GUCY1A2: variants seen among roughly 807,000 people sequenced by gnomAD.
GUCY1A2 encodes guanylate cyclase soluble subunit alpha-2.
In GUCY1A2, 27 loss-of-function variants were observed where a neutral mutation model predicts 63.5. The observed-to-expected ratio is 0.43, with a 90% CI of 0.31 to 0.59. The LOEUF is 0.59. Ranked by LOEUF, GUCY1A2 falls within the 20% of genes least tolerant of loss-of-function variation. The pLI is 0.11. For synonymous variants in GUCY1A2, 364 were observed against 343.5 expected (o/e 1.06, Z -0.66); for missense variants, 768 against 913.3 (o/e 0.84, Z 2.05).
At chr11:107,004,465 C>A (rs967439261) in intron 1 of GUCY1A2, among the ~76,000 whole-genome samples, 1 of 152,058 alleles carries the variant, frequency 6.6e-6, no homozygotes, top group East Asian at 1.9e-4. Flanking sequence ...TTTAAATATT[C>A]TCTTTCTTTT....
chr11:106,820,773 G>A (rs1199505905), intron 4 of GUCY1A2, among the ~76,000 whole-genome samples: 1 of 152,164 alleles, frequency 6.6e-6, no homozygotes, highest in Non-Finnish European at 1.5e-5. Context: ...CCATAGAAAA[G>A]TGTATGTGTG....
At position 106,678,320 on chromosome 11, in the gene GUCY1A2, C is replaced by G. The variant is rs1420667562; in HGVS notation, c.*9229G>C. 4 of 205,850 alleles carry G rather than the reference C, an allele frequency of 1.9e-5. No individual in the cohort carries two copies. Among genetic ancestry groups the G allele is most frequent in the Non-Finnish European group, 4.0e-5 (4 of 100,864 alleles). 12.8% of individuals were successfully genotyped at this position (205,850 alleles called of 1,614,324 possible). ...TTGGTTTCAGTGTGGTAATTTTTACCAAAAAAATTCAGAAGGAGGGTTTCA... is the reference window on the plus strand; with the variant it reads ...TTGGTTTCAGTGTGGTAATTTTTACGAAAAAAATTCAGAAGGAGGGTTTCA... On this transcript the variant is annotated 3_prime_UTR_variant, in exon 8 of 8. Transcript: ENST00000526355.
chr11:106,844,351 T>C (rs1694361283), intron 4 of GUCY1A2, among the ~76,000 whole-genome samples: 1 of 151,826 alleles, frequency 6.6e-6, no homozygotes, highest in African/African-American at 2.4e-5. Flanking sequence ...GTATATGTAT[T>C]TATGAGTTCG....
chr11:106,937,934 T>C (rs1860700874), intron 4 of GUCY1A2, among the ~76,000 whole-genome samples: 1 of 152,154 alleles, frequency 6.6e-6, no homozygotes, highest in Admixed American at 6.5e-5. Context: ...CTTTCTATCA[T>C]TCTCAAATAA....
chr11:106,817,649 C>T (rs1253247840), intron 4 of GUCY1A2, among the ~76,000 whole-genome samples: 3 of 151,916 alleles, frequency 2.0e-5, no homozygotes, highest in Non-Finnish European at 4.4e-5. Flanking sequence ...ACTCAACTGA[C>T]TAAGAAGAAA....
intron 3 of GUCY1A2, among the ~76,000 whole-genome samples, chr11:106,959,256 T>C (rs982643055): frequency 6.6e-6 from 1 of 152,210 alleles, no homozygotes; most frequent in Non-Finnish European, 1.5e-5. Flanking sequence ...GGGGAAAATA[T>C]ATACATGAAT....
At chr11:106,870,627 G>A (rs1859663922) in intron 4 of GUCY1A2, among the ~76,000 whole-genome samples, 1 of 152,002 alleles carries the variant, frequency 6.6e-6, no homozygotes, top group Non-Finnish European at 1.5e-5. Context: ...TATAATGGCT[G>A]CGTATGACCT....
chr11:106,976,351 C>T (rs1049187340), intron 3 of GUCY1A2, among the ~76,000 whole-genome samples: 1 of 152,150 alleles, frequency 6.6e-6, no homozygotes, highest in Non-Finnish European at 1.5e-5. Flanking sequence ...CAATTTATGT[C>T]ATGCTTTTCT....
At chr11:107,004,615 A>G (rs1861649333) in intron 1 of GUCY1A2, among the ~76,000 whole-genome samples, 1 of 152,226 alleles carries the variant, frequency 6.6e-6, no homozygotes, top group South Asian at 2.1e-4. Context: ...TGTGTAACTT[A>G]AATTATAAGA....
chr11:106,969,746 A>G (rs886581593), intron 3 of GUCY1A2, among the ~76,000 whole-genome samples: 1 of 152,192 alleles, frequency 6.6e-6, no homozygotes, highest in African/African-American at 2.4e-5. Flanking sequence ...AAAAGCAATA[A>G]TAACAATTAC....
At chr11:106,827,153 T>A (rs1591292685) in intron 4 of GUCY1A2, 1 of 1,492,926 alleles carries the variant, frequency 6.7e-7, no homozygotes, top group Non-Finnish European at 9.3e-7. Context: ...AACTCTTTTG[T>A]TCCTTTAAGA....
chr11:106,838,332 T>C (rs972132574), intron 4 of GUCY1A2, among the ~76,000 whole-genome samples: 5 of 151,930 alleles, frequency 3.3e-5, no homozygotes, highest in Non-Finnish European at 5.9e-5. Context: ...TAACACACAG[T>C]AGTGTTTCAG....
intron 4 of GUCY1A2, chr11:106,827,967 G>A: frequency 2.2e-6 from 2 of 896,922 alleles, no homozygotes; most frequent in Non-Finnish European, 3.6e-6. Context: ...GGAAGCAGCC[G>A]CGAGGCGGTC....
At chr11:106,847,021 G>A (rs1285218895) in intron 4 of GUCY1A2, among the ~76,000 whole-genome samples, 1 of 151,030 alleles carries the variant, frequency 6.6e-6, no homozygotes, top group Non-Finnish European at 1.5e-5. Flanking sequence ...GTTCTGAAGG[G>A]GAAAATGTAA....
intron 4 of GUCY1A2, among the ~76,000 whole-genome samples, chr11:106,883,019 T>C (rs528421586): frequency 1.3e-5 from 2 of 152,206 alleles, no homozygotes; most frequent in East Asian, 3.9e-4. Context: ...CTCTATGTCA[T>C]CTTCTACATA....
chr11:107,006,954 T>A (rs1399127900), intron 1 of GUCY1A2, among the ~76,000 whole-genome samples: 1 of 152,178 alleles, frequency 6.6e-6, no homozygotes, highest in Non-Finnish European at 1.5e-5. Context: ...CAGAACGAAT[T>A]TCTACCTTTT....
At chr11:106,872,197 G>A (rs1047859778) in intron 4 of GUCY1A2, among the ~76,000 whole-genome samples, 1 of 152,136 alleles carries the variant, frequency 6.6e-6, no homozygotes, top group African/African-American at 2.4e-5. Context: ...TGTAACATAG[G>A]AATCATCTGC....
intron 5 of GUCY1A2, among the ~76,000 whole-genome samples, chr11:106,789,055 G>T (rs1843987): frequency 0.96 from 145,798 of 152,328 alleles, 69,833 homozygotes; most frequent in East Asian, 0.99. Flanking sequence ...TTCCATTTTT[G>T]GTGTCTTCTT....
chr11:106,710,755 G>T (rs1312537101), intron 6 of GUCY1A2, among the ~76,000 whole-genome samples: 1 of 151,980 alleles, frequency 6.6e-6, no homozygotes, highest in African/African-American at 2.4e-5. Flanking sequence ...TAACTGAAGC[G>T]AATGGATAAC....
Sources: gnomAD v4.1 joint callset for allele counts (sites outside exome capture counted in the v4.1 genomes callset) on GRCh38, gnomAD v4.1.1 for gene constraint, MANE v1.5 for transcripts, NCBI Gene and HGNC (gene_info 2026-07-23, HGNC 2026-07-21) for gene names.